MBNL2: variants seen among roughly 807,000 people sequenced by gnomAD.
MBNL2 encodes the protein muscleblind-like protein 2.
MBNL2 carries 17 observed loss-of-function variants against 41.9 expected under a neutral mutation model. The observed-to-expected ratio is 0.41, with a 90% CI of 0.28 to 0.61. The LOEUF is 0.61. Among genes scored for constraint, MBNL2 ranks in the 20% least tolerant of loss-of-function variants. The probability of loss-of-function intolerance (pLI) is 0.35; values close to 1 mark genes in which losing one functional copy is unlikely to be tolerated. For synonymous variants in MBNL2, 195 were observed against 182.9 expected (o/e 1.07, Z -0.53); for missense variants, 336 against 505.6 (o/e 0.66, Z 3.22).
upstream of MBNL2, among the ~76,000 whole-genome samples, chr13:97,219,337 G>C (rs2040669118): frequency 6.6e-6 from 1 of 152,190 alleles, no homozygotes; most frequent in Non-Finnish European, 1.5e-5. Context: ...ACATGGCACA[G>C]AGCCTCATGG....
the MBNL2 span, among the ~76,000 whole-genome samples, chr13:97,166,725 A>C: frequency 6.6e-6 from 1 of 152,026 alleles, no homozygotes; most frequent in African/African-American, 2.4e-5. Context: ...CTCAGCTTGC[A>C]GATGGCCTAT....
chr13:97,386,128 A>G (rs1035974443), intron 8 of MBNL2, among the ~76,000 whole-genome samples: 10 of 152,228 alleles, frequency 6.6e-5, no homozygotes, highest in Non-Finnish European at 1.3e-4. Context: ...GGCGAAAGCC[A>G]AATGTCTGAA....
chr13:97,350,615 C>G (rs1305746086), intron 5 of MBNL2, among the ~76,000 whole-genome samples: 1 of 152,216 alleles, frequency 6.6e-6, no homozygotes, highest in Admixed American at 6.5e-5. Context: ...CAACAATGTT[C>G]AGAGCATCTT....
chr13:97,311,721 T>G (rs2058627928), intron 2 of MBNL2, among the ~76,000 whole-genome samples: 2 of 151,966 alleles, frequency 1.3e-5, no homozygotes, highest in Admixed American at 6.6e-5. Flanking sequence ...CCTCCTTGTT[T>G]GCTTTGAGGT....
intron 8 of MBNL2, among the ~76,000 whole-genome samples, chr13:97,370,819 C>A (rs1225316685): frequency 6.6e-6 from 1 of 152,082 alleles, no homozygotes; most frequent in Non-Finnish European, 1.5e-5. Context: ...GAAACAGGTT[C>A]ATGGGTTTCT....
Position 97,347,064 on chromosome 13 carries a change from C to G in MBNL2, c.801C>G (p.Val267=), listed in dbSNP as rs376897915. 2.9e-4 allele frequency: 453 copies of G among 1,589,210 alleles called. No individual in the cohort carries two copies. Among genetic ancestry groups the G allele is most frequent in the Non-Finnish European group, 3.7e-4 (434 of 1,168,300 alleles). The change falls in exon 5 of 9, where the codon GTC becomes GTG. Residue 267 remains valine (V), a synonymous_variant. Transcript: ENST00000679496. ...AAQAAAAAAT[V]MTQSTAKAMK... is the part of the protein sequence containing the mutation. ...AGGCAGCCGCGGCCGCGGCCACAGT[C>G]ATGGTAAGTGCGGCCGCCCGCCGCC...
intron 2 of MBNL2, among the ~76,000 whole-genome samples, chr13:97,321,841 CACTT>C (rs1345366868): frequency 6.6e-6 from 1 of 152,158 alleles, no homozygotes; most frequent in Non-Finnish European, 1.5e-5. Context: ...ACAGATCTGC[CACTT>C]ACTTACTAGC....
chr13:97,174,990 T>A, the MBNL2 span, among the ~76,000 whole-genome samples: 1 of 152,204 alleles, frequency 6.6e-6, no homozygotes, highest in Non-Finnish European at 1.5e-5. Flanking sequence ...AATAATTACC[T>A]GTGGCAGCTG....
chr13:97,160,317 G>T, the MBNL2 span, among the ~76,000 whole-genome samples: 9 of 152,202 alleles, frequency 5.9e-5, no homozygotes, highest in Admixed American at 5.2e-4. Flanking sequence ...TCTGCAAAAG[G>T]CAAGAAGAAG....
At chr13:97,244,597 A>G (rs976089621) in intron 1 of MBNL2, among the ~76,000 whole-genome samples, 2 of 152,250 alleles carry the variant, frequency 1.3e-5, no homozygotes, top group African/African-American at 4.8e-5. Flanking sequence ...ACGACTAGAT[A>G]ATGTGCCTTG....
the MBNL2 span, among the ~76,000 whole-genome samples, chr13:97,213,081 A>G: frequency 2.0e-5 from 3 of 152,210 alleles, no homozygotes; most frequent in Non-Finnish European, 4.4e-5. Flanking sequence ...GTTGTGAGAA[A>G]CAAATAGAAA....
chr13:97,268,951 C>A lies in MBNL2; in HGVS notation c.-604-6681C>A, dbSNP rs147756459. The stretch of plus-strand genomic sequence containing the variant: ...AAAAGGGAAAGGACGAAGGAGGGGG[C>A]GCTGTTCCGGATGCAGGCCCGTGAG... On this transcript the variant is annotated intron_variant, in intron 1 of 8. Transcript: ENST00000679496. This position sits in a 1 kb window ranked among gnomAD's most constrained non-coding sequence, Gnocchi z 4.6. Among the ~76,000 whole-genome samples, 1 of 152,110 alleles carries A rather than the reference C, an allele frequency of 6.6e-6. No individual in the cohort carries two copies. The highest frequency in any genetic ancestry group is 1.5e-5 in the Non-Finnish European group (1 of 68,016).
In MBNL2 at chr13:97,392,462, A is replaced by T. The variant is rs1234856175; in HGVS notation, c.*1013A>T. 1 of 152,582 alleles carries T rather than the reference A, an allele frequency of 6.6e-6. No individual in the cohort carries two copies. Among genetic ancestry groups the T allele is most frequent in the Non-Finnish European group, 1.5e-5 (1 of 68,016 alleles). The allele number at this position is 152,582 out of a possible 1,614,324, so 9.5% of individuals were successfully genotyped here. A position where few individuals can be genotyped will look rare whatever the true frequency, so the allele number is the denominator to read the frequency against. On this transcript the variant is annotated 3_prime_UTR_variant, in exon 9 of 9. Coordinates refer to ENST00000679496, the MANE Select transcript of MBNL2 (RefSeq NM_001382683.1). ...TCAAAAGTTGGATTAAAGGGTTGTAACTGACTACAGCATGGAAAAAAATAG... is the reference window on the plus strand; with the variant it reads ...TCAAAAGTTGGATTAAAGGGTTGTATCTGACTACAGCATGGAAAAAAATAG...
chr13:97,383,039 G>A (rs2065616163), intron 8 of MBNL2, among the ~76,000 whole-genome samples: 1 of 152,186 alleles, frequency 6.6e-6, no homozygotes, highest in Non-Finnish European at 1.5e-5. Flanking sequence ...GGAAAGAAAA[G>A]TCTCCTTCTC....
Position 97,322,761 on chromosome 13 carries a change from C to T in MBNL2, c.175-11515C>T, listed in dbSNP as rs539272418. Among the ~76,000 whole-genome samples the T allele has an allele frequency of 5.3e-5, 8 of 152,272 alleles. No individual in the cohort carries two copies. The South Asian group carries it at 6.2e-4, about 12-fold the overall frequency. On this transcript the variant is annotated intron_variant, in intron 2 of 8. Coordinates refer to ENST00000679496, the MANE Select transcript of MBNL2 (RefSeq NM_001382683.1). Reference sequence around the variant, plus strand: ...CTCCATAGGCACACAACCCTTCTCCCACTTCTTCCCGGAAGCATTCCCAAC... The same window carrying T: ...CTCCATAGGCACACAACCCTTCTCCTACTTCTTCCCGGAAGCATTCCCAAC...
At chr13:97,378,526 A>T (rs1258993676) in intron 8 of MBNL2, among the ~76,000 whole-genome samples, 3 of 152,202 alleles carry the variant, frequency 2.0e-5, no homozygotes, top group African/African-American at 7.2e-5. Flanking sequence ...TTGAAAAATG[A>T]TTAACATGAA....
intron 3 of MBNL2, among the ~76,000 whole-genome samples, chr13:97,338,365 CCTT>C (rs2061072188): frequency 6.6e-6 from 1 of 152,208 alleles, no homozygotes; most frequent in Admixed American, 6.5e-5. Flanking sequence ...GAGCCCTCCT[CCTT>C]CTTTGCTTAT....
At chr13:97,301,145 A>G (rs1156790498) in intron 2 of MBNL2, among the ~76,000 whole-genome samples, 1 of 152,234 alleles carries the variant, frequency 6.6e-6, no homozygotes, top group African/African-American at 2.4e-5. Flanking sequence ...ACCTCCAGGC[A>G]TATGTGATAT....
At chr13:97,361,299 C>T (rs1351524489) in intron 7 of MBNL2, among the ~76,000 whole-genome samples, 2 of 152,144 alleles carry the variant, frequency 1.3e-5, no homozygotes, top group Non-Finnish European at 2.9e-5. Flanking sequence ...AAGATTTTAT[C>T]AGTGGGGGAA....
Sources: allele counts gnomAD v4.1 joint callset (sites outside exome capture counted in the v4.1 genomes callset), GRCh38; gene constraint gnomAD v4.1.1; non-coding constraint Gnocchi (gnomAD v3.1); transcripts MANE v1.5; gene names NCBI Gene and HGNC (gene_info 2026-07-23, HGNC 2026-07-21).